The following DOCK2 variants were observed in gnomAD, a reference collection of about 807,000 sequenced individuals.
DOCK2 encodes the protein dedicator of cytokinesis protein 2.
A neutral mutation model predicts 248.9 loss-of-function variants in DOCK2; 87 were observed. The observed-to-expected ratio is 0.35, with a 90% CI of 0.29 to 0.42. DOCK2 has a LOEUF of 0.42. Among genes scored for constraint, DOCK2 ranks in the 10% least tolerant of loss-of-function variants. The pLI, the probability that DOCK2 is intolerant of heterozygous loss-of-function variation, is 1.00. For missense variants in DOCK2, 1,747 were observed against 2,300.2 expected, an observed-to-expected ratio of 0.76 and a Z score of 4.92; for synonymous variants, 805 against 821.6, an observed-to-expected ratio of 0.98 and a Z score of 0.35.
intron 25 of DOCK2, among the ~76,000 whole-genome samples, chr5:169,774,527 A>G (rs2113780745): frequency 6.6e-6 from 1 of 152,330 alleles, no homozygotes; most frequent in African/African-American, 2.4e-5. Flanking sequence ...TCCCCAGCAC[A>G]CACTGAACTG....
chr5:169,939,173 G>A (rs1776126886), intron 27 of DOCK2, among the ~76,000 whole-genome samples: 1 of 151,176 alleles, frequency 6.6e-6, no homozygotes, highest in Non-Finnish European at 1.5e-5. Context: ...CAAAGTGCTG[G>A]GATTACAGGC....
chr5:169,709,502 A>G (rs141757487), intron 15 of DOCK2, among the ~76,000 whole-genome samples: 70 of 152,288 alleles, frequency 4.6e-4, no homozygotes, highest in Non-Finnish European at 8.5e-4. Flanking sequence ...CGAGCTCGAG[A>G]CCAGCCTGGG....
chr5:169,769,906 A>T (rs1232902960), intron 25 of DOCK2, among the ~76,000 whole-genome samples: 2 of 152,218 alleles, frequency 1.3e-5, no homozygotes, highest in African/African-American at 2.4e-5. Flanking sequence ...GGATAAGGGA[A>T]GTTGTAAGTT....
intron 32 of DOCK2, 86 bp from the exon 33 acceptor site, chr5:170,018,874 C>CT: frequency 1.3e-6 from 2 of 1,510,100 alleles, no homozygotes; most frequent in Non-Finnish European, 1.8e-6. Context: ...TTATGCTTCC[C>CT]TTTTTTTCTT....
chr5:169,825,037 C>T (rs1561737844), intron 26 of DOCK2, among the ~76,000 whole-genome samples: 1 of 152,136 alleles, frequency 6.6e-6, no homozygotes, highest in Non-Finnish European at 1.5e-5. Context: ...CATCACTGGC[C>T]ATCAGAGAAA....
At chr5:169,838,967 A>C (rs549968974) in intron 26 of DOCK2, among the ~76,000 whole-genome samples, 7 of 152,250 alleles carry the variant, frequency 4.6e-5, no homozygotes, top group Non-Finnish European at 7.4e-5. Context: ...CTGCAAATCT[A>C]CTTCTCTCTC....
intron 1 of DOCK2, among the ~76,000 whole-genome samples, chr5:169,644,783 C>G (rs1334913742): frequency 1.3e-5 from 2 of 151,966 alleles, no homozygotes; most frequent in African/African-American, 4.8e-5. Flanking sequence ...TAATGCTCTC[C>G]CTTCCTTGCA....
chr5:169,652,193 G>T (rs1442103250), intron 1 of DOCK2, among the ~76,000 whole-genome samples: 3 of 152,330 alleles, frequency 2.0e-5, no homozygotes, highest in Middle Eastern at 6.8e-3. Flanking sequence ...ATTACAAAAA[G>T]ATATCCTTCC....
chr5:169,773,810 A>T (rs888964847), intron 25 of DOCK2, among the ~76,000 whole-genome samples: 10 of 152,120 alleles, frequency 6.6e-5, no homozygotes, highest in Admixed American at 2.0e-4. Flanking sequence ...TAATTGAATC[A>T]TGGGGGCAGT....
intron 44 of DOCK2, among the ~76,000 whole-genome samples, chr5:170,062,100 A>AGTGTGT (rs148650076): frequency 1.9e-3 from 273 of 144,512 alleles, no homozygotes; most frequent in African/African-American, 5.7e-3. Flanking sequence ...TATGTATATG[A>AGTGTGT]GTGTGTGTGT....
chr5:169,964,670 C>T (rs1490208499), intron 27 of DOCK2, among the ~76,000 whole-genome samples: 2 of 152,248 alleles, frequency 1.3e-5, no homozygotes, highest in Non-Finnish European at 2.9e-5. Flanking sequence ...AGCAGCAGTA[C>T]TATACCAGGT....
intron 1 of DOCK2, among the ~76,000 whole-genome samples, chr5:169,651,322 G>C (rs1189082169): frequency 6.6e-6 from 1 of 152,182 alleles, no homozygotes; most frequent in East Asian, 1.9e-4. Flanking sequence ...TGTAATCAGT[G>C]AGTACTTGGA....
At chr5:169,992,859 G>T (rs1451935982) in intron 29 of DOCK2, among the ~76,000 whole-genome samples, 1 of 152,124 alleles carries the variant, frequency 6.6e-6, no homozygotes, top group Admixed American at 6.5e-5. Flanking sequence ...GTGATATTCT[G>T]ATTTCCAGTG....
At chr5:169,679,460 A>G (rs1291010585) in intron 6 of DOCK2, among the ~76,000 whole-genome samples, 2 of 152,206 alleles carry the variant, frequency 1.3e-5, no homozygotes, top group Non-Finnish European at 2.9e-5. Flanking sequence ...CCAAAGTTCC[A>G]AGTGATTTTG....
chr5:169,731,527 A>G (rs944936258), intron 22 of DOCK2, among the ~76,000 whole-genome samples: 1 of 152,120 alleles, frequency 6.6e-6, no homozygotes, highest in Non-Finnish European at 1.5e-5. Flanking sequence ...TCTTTTGTAA[A>G]TGGCCTAGTC....
At chr5:169,863,121 G>A (rs182212636) in intron 27 of DOCK2, among the ~76,000 whole-genome samples, 1 of 152,318 alleles carries the variant, frequency 6.6e-6, no homozygotes, top group Admixed American at 6.5e-5. Flanking sequence ...CCACATGTAT[G>A]TAGGTCTTGT....
intron 27 of DOCK2, among the ~76,000 whole-genome samples, chr5:169,899,972 T>TCAC (rs1773828340): frequency 6.6e-6 from 1 of 152,232 alleles, no homozygotes; most frequent in East Asian, 1.9e-4. Context: ...CATGAGAGTC[T>TCAC]CACAAACTGT....
chr5:170,007,287 G>A (rs1755069179), intron 30 of DOCK2, among the ~76,000 whole-genome samples: 1 of 152,142 alleles, frequency 6.6e-6, no homozygotes, highest in South Asian at 2.1e-4. Context: ...TAAAGTGGGT[G>A]GGCTTTGTTC....
chr5:169,670,437 A>G (rs17644965), intron 3 of DOCK2, 105 bp from the exon 4 acceptor site: 13,997 of 1,302,958 alleles, frequency 0.011, 110 homozygotes, highest in Non-Finnish European at 0.012. Context: ...GGATTTTATA[A>G]GCCAGTAGCT....
Sources: allele counts gnomAD v4.1 joint callset (sites outside exome capture counted in the v4.1 genomes callset), GRCh38; gene constraint gnomAD v4.1.1; transcripts MANE v1.5; gene names NCBI Gene and HGNC (gene_info 2026-07-23, HGNC 2026-07-21).